The following YY1AP1 variants were observed in gnomAD, a reference collection of about 807,000 sequenced individuals.
YY1AP1 encodes YY1 associated protein 1, also known as YY1-associated protein 1.
A neutral mutation model predicts 39.9 loss-of-function variants in YY1AP1; 43 were observed. The observed-to-expected ratio is 1.08, with a 90% CI of 0.84 to 1.39. The LOEUF (loss-of-function observed/expected upper bound fraction) is 1.39, where lower values mean the gene tolerates loss of function less well. Ranked by LOEUF, YY1AP1 falls within the 40% of genes most tolerant of loss-of-function variation. The pLI, the probability that YY1AP1 is intolerant of heterozygous loss-of-function variation, is 0.00. For missense variants in YY1AP1, 813 were observed against 900.7 expected, an observed-to-expected ratio of 0.90 and a Z score of 1.25; for synonymous variants, 292 against 331.3, an observed-to-expected ratio of 0.88 and a Z score of 1.29.
chr1:155,670,770 G>C (rs1183772231), intron 7 of YY1AP1: 3 of 302,338 alleles, frequency 9.9e-6, no homozygotes, highest in Admixed American at 4.9e-5. Context: ...CGCCTCCCGG[G>C]TTCAGGCCAT....
chr1:155,667,163 G>A (rs986327343), intron 9 of YY1AP1, among the ~76,000 whole-genome samples: 1 of 152,178 alleles, frequency 6.6e-6, no homozygotes, highest in Non-Finnish European at 1.5e-5. Context: ...TCCAGCCTAG[G>A]CAGGAGAGTA....
chr1:155,673,224 C>T (rs1404151854), intron 6 of YY1AP1, among the ~76,000 whole-genome samples: 3 of 152,134 alleles, frequency 2.0e-5, no homozygotes, highest in Non-Finnish European at 4.4e-5. Context: ...CCATCTTGGC[C>T]AGGCTGATCT....
At chr1:155,664,408 A>G (rs569833469) in intron 9 of YY1AP1, among the ~76,000 whole-genome samples, 1 of 152,314 alleles carries the variant, frequency 6.6e-6, no homozygotes, top group East Asian at 1.9e-4. Flanking sequence ...ATACATATAA[A>G]CAAGGTACAC....
chr1:155,674,425 G>C (rs1650331376), intron 6 of YY1AP1, among the ~76,000 whole-genome samples: 1 of 152,014 alleles, frequency 6.6e-6, no homozygotes, highest in African/African-American at 2.4e-5. Flanking sequence ...TGGAATTACA[G>C]GTGTGAGCCA....
At chr1:155,680,953 TGA>T (rs375030311) in intron 2 of YY1AP1, among the ~76,000 whole-genome samples, 2 of 151,224 alleles carry the variant, frequency 1.3e-5, no homozygotes, top group South Asian at 2.1e-4. Context: ...TATGAGAGAA[TGA>T]GAGAGAGAGA....
At chr1:155,664,826 G>A (rs1397906907) in intron 9 of YY1AP1, among the ~76,000 whole-genome samples, 1 of 147,284 alleles carries the variant, frequency 6.8e-6, no homozygotes, top group South Asian at 2.1e-4. Flanking sequence ...CTGGAGTGTA[G>A]TGGCGAGATC....
In YY1AP1 at chr1:155,676,633, T is replaced by C. The variant is rs1291457651; in HGVS notation, c.239A>G (p.Lys80Arg). ...AACTTCCTTACACTGGGGTTTAACC[T>C]TCTCTACCTCCTTCTGCTGTTTGGC... Reference protein sequence around the residue: ...PSAKQQKEVEKVKPQCKEVHQ... With the variant: ...PSAKQQKEVERVKPQCKEVHQ... The change falls in exon 5 of 11, where the codon AAG (lysine) becomes AGG (arginine). Residue 80 changes from lysine (K) to arginine (R), a missense_variant. This residue lies in a region of YY1AP1 where 196 missense variants were observed against 189.7 expected (regional missense o/e 1.03). Transcript: ENST00000355499. 1 of 1,614,208 alleles carries C rather than the reference T, an allele frequency of 6.2e-7. No homozygotes were observed.
intron 1 of YY1AP1, 42 bp from the exon 2 acceptor site, chr1:155,688,243 T>C (rs750116721): frequency 6.2e-7 from 1 of 1,610,320 alleles, no homozygotes; most frequent in East Asian, 2.2e-5. Flanking sequence ...GGTGGAGGGC[T>C]AAAGGGGCAA....
rs1379726720 is a variant in YY1AP1 at position 155,687,945 on chromosome 1, C to T, written c.-21+126G>A. ...GATCCCCCTCCCTGCTCTCCCCTCC[C>T]CCATCTTCACCACTGCTCTCCCAGA... On this transcript the variant is annotated intron_variant, in intron 2 of 10. Coordinates refer to ENST00000355499, the MANE Select transcript of YY1AP1 (RefSeq NM_139119.3). 5.7e-5 allele frequency: 64 copies of T among 1,119,556 alleles called. No homozygotes were observed. The East Asian group carries it at 1.5e-3, about 26-fold the overall frequency. The allele number at this position is 1,119,556 out of a possible 1,614,324, so 69.4% of individuals were successfully genotyped here. A position where few individuals can be genotyped will look rare whatever the true frequency, so the allele number is the denominator to read the frequency against.
intron 1 of YY1AP1, chr1:155,688,456 T>A: frequency 6.5e-7 from 1 of 1,549,318 alleles, no homozygotes; most frequent in Admixed American, 2.0e-5. Context: ...TTCGCCCGAC[T>A]CCGGCCATGT....
intron 6 of YY1AP1, among the ~76,000 whole-genome samples, chr1:155,673,564 T>A (rs1370279819): frequency 6.6e-6 from 1 of 152,088 alleles, no homozygotes; most frequent in Non-Finnish European, 1.5e-5. Context: ...TTTGTTTTTG[T>A]GAGACAGGTT....
chr1:155,666,861 G>A (rs1443652354), intron 9 of YY1AP1, among the ~76,000 whole-genome samples: 2 of 152,164 alleles, frequency 1.3e-5, no homozygotes, highest in Non-Finnish European at 2.9e-5. Context: ...TTAGCCAGGT[G>A]TGGTGGCGCA....
chr1:155,676,619 A>G lies in YY1AP1; in HGVS notation c.253T>C (p.Cys85Arg), dbSNP rs1384647319. The G allele has an allele frequency of 6.2e-7, 1 of 1,613,968 alleles. No homozygotes were observed. The highest frequency in any genetic ancestry group is 1.3e-5 in the African/African-American group (1 of 74,882). The stretch of plus-strand genomic sequence containing the variant: ...ATCAGGGTCTGATGAACTTCCTTAC[A>G]CTGGGGTTTAACCTTCTCTACCTCC... ...QKEVEKVKPQCKEVHQTLILD... is the reference protein window; with the variant it reads ...QKEVEKVKPQRKEVHQTLILD... Residue 85 changes from cysteine to arginine, a missense_variant, in exon 5 of 11, where the codon TGT becomes CGT. This residue lies in a region of YY1AP1 where 196 missense variants were observed against 189.7 expected (regional missense o/e 1.03). Transcript: ENST00000355499.
chr1:155,669,793 A>C (rs1202584579), intron 8 of YY1AP1, among the ~76,000 whole-genome samples: 1 of 152,150 alleles, frequency 6.6e-6, no homozygotes, highest in Admixed American at 6.6e-5. Context: ...TTGGGAGGCC[A>C]GGAGTGGGAG....
intron 5 of YY1AP1, among the ~76,000 whole-genome samples, chr1:155,675,960 A>C (rs1650588040): frequency 6.6e-6 from 1 of 152,104 alleles, no homozygotes; most frequent in Non-Finnish European, 1.5e-5. Flanking sequence ...GCAGTGACTC[A>C]CGCGTGTAAT....
rs892603033 is a variant in YY1AP1 at position 155,659,656 on chromosome 1, C to A, written c.*1G>T. On this transcript the variant is annotated 3_prime_UTR_variant, in exon 11 of 11. Coordinates refer to ENST00000355499, the MANE Select transcript of YY1AP1 (RefSeq NM_139119.3). Reference sequence around the variant, plus strand: ...AGTCTCCAGACTCTTATTCTCCTAGCTCAAAGAAATCCACTGATTTCCTCT... The same window carrying A: ...AGTCTCCAGACTCTTATTCTCCTAGATCAAAGAAATCCACTGATTTCCTCT... The A allele has an allele frequency of 2.5e-6, 4 of 1,614,148 alleles. No individual in the cohort carries two copies. Among genetic ancestry groups the A allele is most frequent in the Admixed American group, 1.7e-5 (1 of 60,026 alleles).
At chr1:155,674,845 T>G (rs2149052437) in intron 6 of YY1AP1, 165 bp downstream of exon 6, 1 of 574,588 alleles carries the variant, frequency 1.7e-6, no homozygotes, top group Non-Finnish European at 3.0e-6. Context: ...AAGAAAAAAT[T>G]GAATACACTC....
intron 6 of YY1AP1, 121 bp from the exon 7 acceptor site, chr1:155,672,852 CAT>C: frequency 3.7e-6 from 5 of 1,365,358 alleles, no homozygotes; most frequent in Non-Finnish European, 5.1e-6. Context: ...TAAAAATAAT[CAT>C]AAAGTCTTTC....
In YY1AP1 at chr1:155,660,524, T is replaced by C; in HGVS notation, c.1386A>G (p.Thr462=). Residue 462 remains threonine (T), a synonymous_variant, in exon 11 of 11, where the codon ACA becomes ACG. Transcript: ENST00000355499. The stretch of plus-strand genomic sequence containing the variant: ...CCCCCAGTGGAGGGACACCTGGAAC[T>C]GTCTGTAAAACAGTGGCTGGCTGTA... ...HPIQPATVLQ[T]VPGVPPLGVS... 6.2e-7 allele frequency: 1 copy of C among 1,614,124 alleles called. No individual in the cohort carries two copies. The highest frequency in any genetic ancestry group is 8.5e-7 in the Non-Finnish European group (1 of 1,180,010).
Sources: allele counts gnomAD v4.1 joint callset (sites outside exome capture counted in the v4.1 genomes callset), GRCh38; gene constraint gnomAD v4.1.1; regional missense constraint gnomAD v4.1.1; transcripts MANE v1.5; gene names NCBI Gene and HGNC (gene_info 2026-07-23, HGNC 2026-07-21).